The following FBXL17 variants were observed in gnomAD, a reference collection of about 807,000 sequenced individuals.
FBXL17 encodes the protein F-box and leucine rich repeat protein 17.
Under a neutral mutation model 66.2 loss-of-function variants are expected in FBXL17, and 22 were observed. The ratio of observed to expected loss-of-function variants is 0.33; its 90% CI spans 0.24 to 0.47. The LOEUF is 0.47. FBXL17 is among the 20% of genes least tolerant of loss of function. The pLI, the probability that FBXL17 is intolerant of heterozygous loss-of-function variation, is 1.00. For synonymous variants in FBXL17, 474 were observed against 400.5 expected, an observed-to-expected ratio of 1.18 and a Z score of -2.19; for missense variants, 878 against 948.2, an observed-to-expected ratio of 0.93 and a Z score of 0.97.
At chr5:108,202,596 A>G (rs1355372322) in intron 5 of FBXL17, among the ~76,000 whole-genome samples, 1 of 152,158 alleles carries the variant, frequency 6.6e-6, no homozygotes, top group Non-Finnish European at 1.5e-5. Context: ...AACTCTATCT[A>G]TACTATATTT....
In FBXL17 at chr5:108,224,205, T is replaced by C. The variant is rs761385561; in HGVS notation, c.1530A>G (p.Ala510=). ...NKLVTDQSVK[A]FAEHCPELQY... ...GAAGCTCAGGACAGTGTTCAGCAAA[T>C]GCTTTCACTGACTGATCTGTCACCT... Residue 510 remains alanine (A), a synonymous_variant, in exon 5 of 9, where the codon GCA becomes GCG. Coordinates refer to ENST00000542267, the MANE Select transcript of FBXL17 (RefSeq NM_001163315.3). 2 of 1,605,910 alleles carry C rather than the reference T, an allele frequency of 1.2e-6. No homozygotes were observed.
At chr5:107,925,302 T>A (rs998364109) in intron 7 of FBXL17, among the ~76,000 whole-genome samples, 2 of 152,168 alleles carry the variant, frequency 1.3e-5, no homozygotes, top group African/African-American at 4.8e-5. Flanking sequence ...GTTTGCACAG[T>A]TATACTTCTC....
chr5:108,379,759 T>C lies in FBXL17; in HGVS notation c.993+940A>G, dbSNP rs1178588464. 3.3e-5 allele frequency among the ~76,000 whole-genome samples: 5 copies of C among 152,296 alleles called. No individual in the cohort carries two copies. In the East Asian group the frequency reaches 9.6e-4, roughly 29 times the overall value. On this transcript the variant is annotated intron_variant, in intron 1 of 8. Coordinates refer to ENST00000542267, the MANE Select transcript of FBXL17 (RefSeq NM_001163315.3). ...AAGGAGGGAAAAAGTTAATAATAAC[T>C]TAATAAAAACTCTATTATGTAACTA... is the stretch of plus-strand genomic sequence containing the variant.
intron 7 of FBXL17, among the ~76,000 whole-genome samples, chr5:108,013,873 T>C (rs1410907710): frequency 6.6e-6 from 1 of 152,108 alleles, no homozygotes; most frequent in Non-Finnish European, 1.5e-5. Context: ...ACTCAAGATA[T>C]CTATTTTCAA....
intron 8 of FBXL17, among the ~76,000 whole-genome samples, chr5:107,871,508 C>T (rs999529331): frequency 1.3e-5 from 2 of 152,156 alleles, no homozygotes; most frequent in African/African-American, 4.8e-5. Flanking sequence ...ACCAAGCTAT[C>T]CTCCACTGAG....
At chr5:108,239,384 A>ATCTGTGT (rs1755751169) in intron 4 of FBXL17, among the ~76,000 whole-genome samples, 1 of 152,186 alleles carries the variant, frequency 6.6e-6, no homozygotes, top group Non-Finnish European at 1.5e-5. Context: ...CAGGGAGTGA[A>ATCTGTGT]TCTGTGTGCT....
chr5:108,287,229 A>T (rs761430826), intron 4 of FBXL17, among the ~76,000 whole-genome samples: 17 of 152,050 alleles, frequency 1.1e-4, no homozygotes, highest in Non-Finnish European at 2.4e-4. Context: ...TTTCATGACA[A>T]AGATAAAAGC....
chr5:108,299,435 G>A, intron 4 of FBXL17: 1 of 948,078 alleles, frequency 1.1e-6, no homozygotes, highest in Non-Finnish European at 1.3e-6. Context: ...AAAAAACAAA[G>A]ACACACTAGT....
intron 4 of FBXL17, among the ~76,000 whole-genome samples, chr5:108,232,249 G>A (rs1049209528): frequency 1.3e-5 from 2 of 152,252 alleles, no homozygotes; most frequent in East Asian, 1.9e-4. Flanking sequence ...TTAACTTTAT[G>A]TAATGGTATT....
At chr5:107,966,702 C>T (rs1054289861) in intron 7 of FBXL17, among the ~76,000 whole-genome samples, 2 of 152,084 alleles carry the variant, frequency 1.3e-5, no homozygotes, top group African/African-American at 4.8e-5. Context: ...ACAAAATTGG[C>T]CATGTTAACT....
intron 5 of FBXL17, among the ~76,000 whole-genome samples, chr5:108,209,117 G>T (rs554616343): frequency 6.6e-6 from 1 of 152,252 alleles, no homozygotes; most frequent in African/African-American, 2.4e-5. Flanking sequence ...CTGTTAGTCT[G>T]TTATTGGTGT....
chr5:108,329,790 C>T (rs1156674102), intron 4 of FBXL17, among the ~76,000 whole-genome samples: 1 of 151,986 alleles, frequency 6.6e-6, no homozygotes, highest in East Asian at 1.9e-4. Flanking sequence ...AGTGACATCC[C>T]TTTCAAATTC....
intron 6 of FBXL17, among the ~76,000 whole-genome samples, chr5:108,159,134 C>G (rs1752110274): frequency 6.6e-6 from 1 of 152,136 alleles, no homozygotes; most frequent in African/African-American, 2.4e-5. Context: ...CTTATTACTA[C>G]AGACAGTTAC....
At chr5:108,026,481 A>G (rs1208303549) in intron 6 of FBXL17, among the ~76,000 whole-genome samples, 1 of 152,192 alleles carries the variant, frequency 6.6e-6, no homozygotes. Context: ...TCAATTTTTC[A>G]TGTAAACTTC....
chr5:108,226,037 A>G (rs1204696219), intron 4 of FBXL17, among the ~76,000 whole-genome samples: 3 of 152,082 alleles, frequency 2.0e-5, no homozygotes, highest in Non-Finnish European at 4.4e-5. Context: ...AACTAATTGC[A>G]TGGCTCCTTA....
intron 4 of FBXL17, among the ~76,000 whole-genome samples, chr5:108,335,294 A>T (rs1760327035): frequency 6.7e-6 from 1 of 150,182 alleles, no homozygotes; most frequent in African/African-American, 2.5e-5. Flanking sequence ...ATTTGCCAAA[A>T]AGCAGGCTTA....
intron 6 of FBXL17, among the ~76,000 whole-genome samples, chr5:108,074,401 GCTT>G (rs1224342066): frequency 6.7e-6 from 1 of 149,324 alleles, no homozygotes; most frequent in Non-Finnish European, 1.5e-5. Context: ...TGGACTTTCT[GCTT>G]CTTCTCTTTT....
intron 7 of FBXL17, among the ~76,000 whole-genome samples, chr5:107,975,439 C>T (rs1036829171): frequency 5.9e-5 from 9 of 152,170 alleles, no homozygotes; most frequent in Non-Finnish European, 1.3e-4. Context: ...TGTATTTTCA[C>T]ATCTCACATA....
chr5:108,105,245 C>G (rs1159485837), intron 6 of FBXL17, among the ~76,000 whole-genome samples: 1 of 152,092 alleles, frequency 6.6e-6, no homozygotes, highest in Non-Finnish European at 1.5e-5. Flanking sequence ...TTGGAGAAGG[C>G]GCAACTGAAG....
Sources: gnomAD v4.1 joint callset for allele counts (sites outside exome capture counted in the v4.1 genomes callset) on GRCh38, gnomAD v4.1.1 for gene constraint, MANE v1.5 for transcripts, NCBI Gene and HGNC (gene_info 2026-07-23, HGNC 2026-07-21) for gene names.